The following PCDHGA5 variants were observed in gnomAD, a reference collection of about 807,000 sequenced individuals.
PCDHGA5 encodes the protein protocadherin gamma-A5.
A neutral mutation model predicts 56.7 loss-of-function variants in PCDHGA5; 36 were observed. The observed-to-expected ratio is 0.64, with a 90% CI of 0.49 to 0.84. The LOEUF (loss-of-function observed/expected upper bound fraction) is 0.84, where lower values mean the gene tolerates loss of function less well. Among genes scored for constraint, PCDHGA5 ranks in the 40% least tolerant of loss-of-function variants. The pLI is 0.00. For missense variants in PCDHGA5, 1,305 were observed against 1,201.5 expected (o/e 1.09, Z -1.27); for synonymous variants, 563 against 520.2 (o/e 1.08, Z -1.12).
At position 141,476,789 on chromosome 5, in the gene PCDHGA5, T is replaced by C; in HGVS notation, c.2422-18018T>C. ...GTTGGACGGAGGGACCCCAGCTCTC[T>C]CCGCCAGCCTGCCTATTCACATCAA... On this transcript the variant is annotated intron_variant, in intron 1 of 3. Transcript: ENST00000518069. The surrounding 1 kb of genome is among the most constrained non-coding windows in gnomAD (Gnocchi z 7.6). 1.2e-6 allele frequency: 2 copies of C among 1,613,374 alleles called. No individual in the cohort carries two copies. The highest frequency in any genetic ancestry group is 4.5e-5 in the East Asian group (2 of 44,864).
At position 141,409,103 on chromosome 5, in the gene PCDHGA5, A is replaced by G. The variant is rs750657192; in HGVS notation, c.2421+42352A>G. The G allele has an allele frequency of 6.8e-6, 11 of 1,613,926 alleles. No individual in the cohort carries two copies. Among genetic ancestry groups the G allele is most frequent in the Non-Finnish European group, 9.3e-6 (11 of 1,179,900 alleles). On this transcript the variant is annotated intron_variant, in intron 1 of 3. Coordinates refer to ENST00000518069, the MANE Select transcript of PCDHGA5 (RefSeq NM_018918.3). ...CTCATTGGATGAGAAAACAGGTATG[A>G]TTAAGAATAACCAGTCATTTGATTT...
intron 1 of PCDHGA5, chr5:141,423,638 A>G (rs771989468): frequency 2.5e-6 from 4 of 1,598,292 alleles, no homozygotes; most frequent in Non-Finnish European, 3.4e-6. Context: ...ATTTTAGGCA[A>G]ATGTGACCCG....
At chr5:141,481,210 G>A (rs1351826116) in intron 1 of PCDHGA5, among the ~76,000 whole-genome samples, 2 of 152,128 alleles carry the variant, frequency 1.3e-5, no homozygotes, top group Admixed American at 1.3e-4. Context: ...TAAAAAACAT[G>A]GTAAGGTCTC....
chr5:141,395,080 A>G, intron 1 of PCDHGA5: 1 of 1,614,088 alleles, frequency 6.2e-7, no homozygotes, highest in Non-Finnish European at 8.5e-7. Flanking sequence ...TATTCCCAGG[A>G]AGTCTCCCTC....
intron 1 of PCDHGA5, chr5:141,424,572 T>C (rs1272121500): frequency 6.6e-6 from 1 of 152,238 alleles, no homozygotes; most frequent in East Asian, 1.9e-4. Context: ...CAAAAACCTA[T>C]TTTCAAATGT....
Position 141,420,255 on chromosome 5 carries a change from A to T in PCDHGA5, c.2421+53504A>T, listed in dbSNP as rs917458059. The T allele has an allele frequency of 2.5e-6, 4 of 1,569,630 alleles. No homozygotes were observed. The highest frequency in any genetic ancestry group is 1.4e-5 in the African/African-American group (1 of 73,152). On this transcript the variant is annotated intron_variant, in intron 1 of 3. Coordinates refer to ENST00000518069, the MANE Select transcript of PCDHGA5 (RefSeq NM_018918.3). ...ATTTTAACTCCCAGCGTTGAAGCAG[A>T]TAAGAAGATTCTTAAACAGGTAAGT...
intron 1 of PCDHGA5, among the ~76,000 whole-genome samples, chr5:141,450,375 A>G (rs1338336573): frequency 1.3e-5 from 2 of 152,166 alleles, no homozygotes; most frequent in Non-Finnish European, 2.9e-5. Context: ...GTTTGTTTAT[A>G]TGAAACTGAC....
intron 1 of PCDHGA5, among the ~76,000 whole-genome samples, chr5:141,443,016 G>T (rs1325670377): frequency 6.6e-6 from 1 of 152,204 alleles, no homozygotes; most frequent in East Asian, 1.9e-4. Context: ...TATGACTAAT[G>T]GAAGTTGCCA....
At chr5:141,446,208 G>GAT (rs1387839424) in intron 1 of PCDHGA5, among the ~76,000 whole-genome samples, 1 of 152,156 alleles carries the variant, frequency 6.6e-6, no homozygotes, top group Non-Finnish European at 1.5e-5. Context: ...CTAGGTGTCT[G>GAT]AAAATATTGT....
chr5:141,421,569 C>T (rs1029858235), intron 1 of PCDHGA5: 2 of 1,613,884 alleles, frequency 1.2e-6, no homozygotes, highest in Non-Finnish European at 1.7e-6. Flanking sequence ...TGGAAGACAC[C>T]TTGAAGATTT....
intron 1 of PCDHGA5, among the ~76,000 whole-genome samples, chr5:141,481,647 A>G (rs749515062): frequency 1.6e-4 from 25 of 151,712 alleles, no homozygotes; most frequent in Non-Finnish European, 2.8e-4. Flanking sequence ...GTGAAACTTC[A>G]TCTCTACTAA....
intron 1 of PCDHGA5, chr5:141,394,385 G>C: frequency 6.2e-7 from 1 of 1,614,206 alleles, no homozygotes. Context: ...ACTATGAGCA[G>C]ATCCGAGACC....
At position 141,486,238 on chromosome 5, in the gene PCDHGA5, G is replaced by C. The variant is rs1414434705; in HGVS notation, c.2422-8569G>C. 6.2e-7 allele frequency: 1 copy of C among 1,614,058 alleles called. No homozygotes were observed. The highest frequency in any genetic ancestry group is 8.5e-7 in the Non-Finnish European group (1 of 1,180,024). On this transcript the variant is annotated intron_variant, in intron 1 of 3. Coordinates refer to ENST00000518069, the MANE Select transcript of PCDHGA5 (RefSeq NM_018918.3). This position sits in a 1 kb window ranked among gnomAD's most constrained non-coding sequence, Gnocchi z 5.0. ...CCCCTTACATCACAGTGACCTCAGA[G>C]CTTGGAACCCTCCCCGAGAGTGCAG... is the stretch of plus-strand genomic sequence containing the variant.
intron 1 of PCDHGA5, among the ~76,000 whole-genome samples, chr5:141,373,223 T>C (rs1769412774): frequency 6.6e-6 from 1 of 152,256 alleles, no homozygotes; most frequent in Admixed American, 6.5e-5. Context: ...ATGTAACCTG[T>C]ATATAATATT....
intron 1 of PCDHGA5, chr5:141,393,596 G>T (rs775299518): frequency 1.2e-6 from 2 of 1,613,900 alleles, no homozygotes; most frequent in Non-Finnish European, 8.5e-7. Context: ...GCACGCGGCT[G>T]CTTACTGTAA....
chr5:141,405,108 G>A, intron 1 of PCDHGA5: 1 of 1,613,960 alleles, frequency 6.2e-7, no homozygotes, highest in Non-Finnish European at 8.5e-7. Flanking sequence ...CTGAGGCACT[G>A]GCACTCCTCG....
intron 1 of PCDHGA5, among the ~76,000 whole-genome samples, chr5:141,450,013 T>A (rs1178482524): frequency 7.4e-6 from 1 of 135,940 alleles, no homozygotes; most frequent in African/African-American, 3.2e-5. Flanking sequence ...TCTCTTTTTT[T>A]TTTTTTTTTT....
chr5:141,374,977 T>C, intron 1 of PCDHGA5: 2 of 1,614,020 alleles, frequency 1.2e-6, no homozygotes, highest in Non-Finnish European at 1.7e-6. Flanking sequence ...ATGTTTTGAC[T>C]GGAGAAATTT....
intron 1 of PCDHGA5, among the ~76,000 whole-genome samples, chr5:141,453,864 G>A (rs758778743): frequency 2.6e-5 from 4 of 152,192 alleles, no homozygotes; most frequent in Non-Finnish European, 5.9e-5. Context: ...GAAAATAACA[G>A]ATGAGCAAAA....
Sources: gnomAD v4.1 joint callset for allele counts (sites outside exome capture counted in the v4.1 genomes callset) on GRCh38, gnomAD v4.1.1 for gene constraint, Gnocchi (gnomAD v3.1) non-coding constraint, MANE v1.5 for transcripts, NCBI Gene and HGNC (gene_info 2026-07-23, HGNC 2026-07-21) for gene names.